PDE7A: variants seen among roughly 807,000 people sequenced by gnomAD.
PDE7A encodes high affinity 3',5'-cyclic-AMP phosphodiesterase 7A.
In PDE7A, 39 loss-of-function variants were observed where a neutral mutation model predicts 64.3. The ratio of observed to expected loss-of-function variants is 0.61; its 90% CI spans 0.47 to 0.79. The LOEUF (loss-of-function observed/expected upper bound fraction) is 0.79, where lower values mean the gene tolerates loss of function less well. Among genes scored for constraint, PDE7A ranks in the 30% least tolerant of loss-of-function variants. PDE7A has a pLI of 0.00. For missense variants in PDE7A, 470 were observed against 582.8 expected (o/e 0.81, Z 1.99); for synonymous variants, 203 against 206.8 (o/e 0.98, Z 0.16).
At chr8:65,719,563 A>G (rs1344654319) in intron 12 of PDE7A, 68 bp from the exon 13 acceptor site, 2 of 1,013,978 alleles carry the variant, frequency 2.0e-6, no homozygotes, top group East Asian at 5.0e-5. Context: ...CATCATCTAT[A>G]CAACATTAAC....
At position 65,787,787 on chromosome 8, in the gene PDE7A, GGA is replaced by G. The variant is rs1491281926; in HGVS notation, c.139-4946_139-4945del. On this transcript the variant is annotated intron_variant, in intron 1 of 12. Coordinates refer to ENST00000401827, the MANE Select transcript of PDE7A (RefSeq NM_001242318.3). ...GTAAGACCTCATCTCTACAGGGGGG[GGA>G]AAAAAAAAAAGTAAAGTCTCTGAAA... is the stretch of plus-strand genomic sequence containing the variant. Among the ~76,000 whole-genome samples, 1,159 of 148,576 alleles carry G rather than the reference GGA, an allele frequency of 7.8e-3. 12 individuals are homozygous for G. Among genetic ancestry groups the G allele is most frequent in the African/African-American group, 0.025 (1,027 of 40,366 alleles).
At position 65,724,310 on chromosome 8, in the gene PDE7A, C is replaced by T. The variant is rs200682112; in HGVS notation, c.1107G>A (p.Thr369=). Residue 369 remains threonine, a synonymous_variant, in exon 11 of 13, where the codon ACG becomes ACA. Transcript: ENST00000401827. ...CACTCCACTGCTTGCTTAATTCCCA[C>T]GTCCGACATGGGTTACAAATATCAG... The part of the protein sequence containing the change: ...KCADICNPCR[T]WELSKQWSEK... The T allele has an allele frequency of 1.2e-5, 20 of 1,612,808 alleles. No homozygotes were observed. The highest frequency in any genetic ancestry group is 9.9e-5 in the South Asian group (9 of 91,038).
chr8:65,832,833 A>T (rs149016740), intron 1 of PDE7A, among the ~76,000 whole-genome samples: 43 of 152,248 alleles, frequency 2.8e-4, no homozygotes, highest in Non-Finnish European at 5.6e-4. Context: ...CAGCATGGTT[A>T]AACACCAGAT....
At chr8:65,810,695 T>C (rs1329776829) in intron 1 of PDE7A, among the ~76,000 whole-genome samples, 1 of 152,092 alleles carries the variant, frequency 6.6e-6, no homozygotes. Flanking sequence ...ACTTAAAGTA[T>C]CTCAATAAAT....
In PDE7A at chr8:65,779,754, A is replaced by G; in HGVS notation, c.249T>C (p.Gly83=). The change falls in exon 3 of 13, where the codon GGT becomes GGC. Residue 83 remains glycine, a synonymous_variant. Transcript: ENST00000401827. ...TACGAAAATCAATATATGGGTGAGA[A>G]CCTCTTCTTTCTGATTCAAATCCTG... ...SRAGFESERR[G]SHPYIDFRIF... 1 of 1,597,440 alleles carries G rather than the reference A, an allele frequency of 6.3e-7. No individual in the cohort carries two copies. Among genetic ancestry groups the G allele is most frequent in the East Asian group, 2.3e-5 (1 of 43,920 alleles).
chr8:65,740,522 T>A (rs1807370490), intron 5 of PDE7A, among the ~76,000 whole-genome samples: 2 of 152,096 alleles, frequency 1.3e-5, no homozygotes, highest in African/African-American at 4.8e-5. Context: ...TGCCTCAGCC[T>A]CCCGAGTAGC....
chr8:65,773,013 A>G (rs561910908), intron 3 of PDE7A, among the ~76,000 whole-genome samples: 1 of 152,302 alleles, frequency 6.6e-6, no homozygotes, highest in South Asian at 2.1e-4. Context: ...GTCTCAAAAA[A>G]AAAAATTAAG....
chr8:65,734,940 T>C (rs1449544453), intron 6 of PDE7A, 46 bp from the exon 7 acceptor site: 1 of 1,152,530 alleles, frequency 8.7e-7, no homozygotes, highest in Non-Finnish European at 1.3e-6. Flanking sequence ...ATGAGCAACA[T>C]ATACAAGGAC....
intron 1 of PDE7A, among the ~76,000 whole-genome samples, chr8:65,801,964 AAG>A (rs1809998178): frequency 6.6e-6 from 1 of 152,262 alleles, no homozygotes; most frequent in Admixed American, 6.5e-5. Context: ...TTTAAAATAG[AAG>A]AGACAAAAAA....
At chr8:65,774,606 T>C (rs929636596) in intron 3 of PDE7A, among the ~76,000 whole-genome samples, 19 of 151,598 alleles carry the variant, frequency 1.3e-4, no homozygotes, top group South Asian at 2.1e-4. Context: ...AAATTAAGTA[T>C]TTACCATAGA....
At chr8:65,761,569 T>C (rs1479825638) in intron 3 of PDE7A, among the ~76,000 whole-genome samples, 2 of 152,250 alleles carry the variant, frequency 1.3e-5, no homozygotes, top group Non-Finnish European at 2.9e-5. Flanking sequence ...CTCAGTGAAT[T>C]AATCAAGTTA....
Position 65,758,518 on chromosome 8 carries a change from CA to C in PDE7A, c.284-10716del, listed in dbSNP as rs565733551. ...TCACCAGATCCACCAGAAAAAGACA[CA>C]AATCTTGTGGGGACACTCCTTTAGT... On this transcript the variant is annotated intron_variant, in intron 3 of 12. Transcript: ENST00000401827. Among the ~76,000 whole-genome samples the C allele has an allele frequency of 1.3e-3, 192 of 152,306 alleles. 2 individuals carry two copies. The highest frequency in any genetic ancestry group is 6.0e-4 in the Non-Finnish European group (41 of 68,024).
intron 3 of PDE7A, among the ~76,000 whole-genome samples, chr8:65,772,658 C>CCTG (rs1206845260): frequency 6.6e-6 from 1 of 152,166 alleles, no homozygotes; most frequent in Admixed American, 6.5e-5. Flanking sequence ...GGATAATCCT[C>CCTG]CTGGTCATTA....
intron 3 of PDE7A, among the ~76,000 whole-genome samples, chr8:65,766,961 T>C (rs188572501): frequency 4.9e-4 from 74 of 152,128 alleles, no homozygotes; most frequent in African/African-American, 1.7e-3. Flanking sequence ...TGCCAACATT[T>C]TCAGTTTAAA....
At chr8:65,752,248 T>C (rs1432955667) in intron 3 of PDE7A, among the ~76,000 whole-genome samples, 1 of 152,220 alleles carries the variant, frequency 6.6e-6, no homozygotes, top group Non-Finnish European at 1.5e-5. Context: ...TAGGCTTAGC[T>C]GTAGAAACTG....
chr8:65,734,131 GCTCA>G (rs990617191), intron 7 of PDE7A, among the ~76,000 whole-genome samples: 37 of 152,102 alleles, frequency 2.4e-4, no homozygotes, highest in African/African-American at 7.7e-4. Context: ...CCAAAATGGT[GCTCA>G]CTGTCTCTAC....
At chr8:65,815,118 A>T (rs568368554) in intron 1 of PDE7A, among the ~76,000 whole-genome samples, 5 of 152,192 alleles carry the variant, frequency 3.3e-5, no homozygotes, top group Non-Finnish European at 7.3e-5. Flanking sequence ...AAAGAATAAT[A>T]CACATTTACA....
intron 1 of PDE7A, among the ~76,000 whole-genome samples, chr8:65,839,019 A>G (rs545583856): frequency 2.0e-5 from 3 of 152,318 alleles, no homozygotes; most frequent in Admixed American, 1.3e-4. Context: ...TTCATGCTCC[A>G]TATTGTTTTC....
intron 3 of PDE7A, among the ~76,000 whole-genome samples, chr8:65,769,270 G>T (rs1342166226): frequency 6.3e-5 from 8 of 127,414 alleles, no homozygotes; most frequent in Non-Finnish European, 8.3e-5. Context: ...AAAAAAAAAA[G>T]TAACAGATGC....
Sources: gnomAD v4.1 joint callset for allele counts (sites outside exome capture counted in the v4.1 genomes callset) on GRCh38, gnomAD v4.1.1 for gene constraint, MANE v1.5 for transcripts, NCBI Gene and HGNC (gene_info 2026-07-23, HGNC 2026-07-21) for gene names.